Variants in NFATC2 observed in about 807,000 individuals in gnomAD.
NFATC2 encodes nuclear factor of activated T cells 2, also known as nuclear factor of activated T-cells, cytoplasmic 2.
A neutral mutation model predicts 87.3 loss-of-function variants in NFATC2; 22 were observed. That is an observed-to-expected ratio of 0.25 (90% CI 0.18 to 0.36). The LOEUF (loss-of-function observed/expected upper bound fraction) is 0.36, where lower values mean the gene tolerates loss of function less well. Ranked by LOEUF, NFATC2 falls within the 10% of genes least tolerant of loss-of-function variation. The probability of loss-of-function intolerance (pLI) is 1.00; values close to 1 mark genes in which losing one functional copy is unlikely to be tolerated. For missense variants in NFATC2, 1,149 were observed against 1,259.1 expected (o/e 0.91, Z 1.32); for synonymous variants, 565 against 542.2 (o/e 1.04, Z -0.58).
intron 5 of NFATC2, among the ~76,000 whole-genome samples, chr20:51,467,505 C>T (rs1987806472): frequency 6.6e-6 from 1 of 151,918 alleles, no homozygotes; most frequent in African/African-American, 2.4e-5. Context: ...TGCAGTGAGC[C>T]GAGATCATGC....
chr20:51,499,370 G>A (rs973036218), intron 3 of NFATC2, among the ~76,000 whole-genome samples: 4 of 152,234 alleles, frequency 2.6e-5, no homozygotes, highest in Non-Finnish European at 4.4e-5. Context: ...CAGATGCACA[G>A]AACTGTGAGG....
chr20:51,524,224 AC>A lies in NFATC2; in HGVS notation c.131-115del. The A allele has an allele frequency of 2.1e-6, 2 of 952,070 alleles. No individual in the cohort carries two copies. The highest frequency in any genetic ancestry group is 2.8e-6 in the Non-Finnish European group (2 of 709,316). The allele number at this position is 952,070 out of a possible 1,614,324, so 59.0% of individuals were successfully genotyped here. On this transcript the variant is annotated intron_variant, in intron 1 of 10. Transcript: ENST00000371564. The surrounding 1 kb of genome is among the most constrained non-coding windows in gnomAD (Gnocchi z 4.0). Reference sequence around the variant, plus strand: ...CGTCGTTTATTTTTTTCAAATTCCCACCATGCCAAACCCCAAGCTAGAAGCT... The same window carrying A: ...CGTCGTTTATTTTTTTCAAATTCCCACATGCCAAACCCCAAGCTAGAAGCT...
At chr20:51,497,706 A>G (rs920750223) in intron 3 of NFATC2, among the ~76,000 whole-genome samples, 2 of 152,094 alleles carry the variant, frequency 1.3e-5, no homozygotes, top group Non-Finnish European at 2.9e-5. Context: ...GGAGGGGCAG[A>G]TTGGCCAGGG....
In NFATC2 at chr20:51,417,948, G is replaced by A. The variant is rs1057040321; in HGVS notation, c.2722+14119C>T. On this transcript the variant is annotated intron_variant, in intron 9 of 10. Coordinates refer to ENST00000371564, the MANE Select transcript of NFATC2 (RefSeq NM_012340.5). ...AGCATCAGCCCTCCCTGGTACCCGC[G>A]GGGCACCGGGCAGTCCGTAAGTCAC... Among the ~76,000 whole-genome samples, 13 of 152,294 alleles carry A rather than the reference G, an allele frequency of 8.5e-5. No homozygotes were observed. The East Asian group carries it at 1.5e-3, about 18-fold the overall frequency.
chr20:51,531,723 C>T (rs184089874), intron 1 of NFATC2, among the ~76,000 whole-genome samples: 1 of 152,326 alleles, frequency 6.6e-6, no homozygotes, highest in East Asian at 1.9e-4. Context: ...CCAAGACACA[C>T]AGAATCAATA....
chr20:51,478,678 C>T (rs1036113729), intron 3 of NFATC2, among the ~76,000 whole-genome samples: 2 of 152,174 alleles, frequency 1.3e-5, no homozygotes, highest in Non-Finnish European at 2.9e-5. Context: ...GATCCAGATA[C>T]TCCCCTGCCT....
At chr20:51,516,227 G>T (rs2076348749) in intron 3 of NFATC2, among the ~76,000 whole-genome samples, 1 of 152,088 alleles carries the variant, frequency 6.6e-6, no homozygotes, top group South Asian at 2.1e-4. Flanking sequence ...ATGGCAAAAT[G>T]TAAACTTAAA....
At chr20:51,506,230 T>C (rs768788129) in intron 3 of NFATC2, among the ~76,000 whole-genome samples, 7 of 152,220 alleles carry the variant, frequency 4.6e-5, no homozygotes, top group Non-Finnish European at 8.8e-5. Context: ...GAGGTGCTCG[T>C]TGGGGAAGGT....
intron 1 of NFATC2, among the ~76,000 whole-genome samples, chr20:51,534,251 G>A (rs2076683360): frequency 6.9e-6 from 1 of 144,584 alleles, no homozygotes. Context: ...TGCAGCGGGG[G>A]CCAGGGGGAG....
At chr20:51,415,019 G>C (rs1250288665) in intron 9 of NFATC2, among the ~76,000 whole-genome samples, 2 of 151,940 alleles carry the variant, frequency 1.3e-5, no homozygotes, top group Non-Finnish European at 2.9e-5. Context: ...GGAGGCCAAA[G>C]TTGGTGGATT....
At position 51,540,663 on chromosome 20, in the gene NFATC2, T is replaced by TTTTTTTTTGTTTG. The variant is rs1555818361; in HGVS notation, c.130+1706_130+1707insCAAACAAAAAAAA. Among the ~76,000 whole-genome samples, 40 of 135,770 alleles carry TTTTTTTTTGTTTG rather than the reference T, an allele frequency of 2.9e-4. 2 individuals are homozygous for TTTTTTTTTGTTTG. The highest frequency in any genetic ancestry group is 7.6e-3 in the Middle Eastern group (2 of 264). 89.1% of individuals were successfully genotyped at this position (135,770 alleles called of 152,430 possible). A position where few individuals can be genotyped will look rare whatever the true frequency, so the allele number is the denominator to read the frequency against. ...AAAACTGAAGTTTTTTTTTTGTTTT[T>TTTTTTTTTGTTTG]TTTTTTTTGAGAAAACAGATTCCAG... On this transcript the variant is annotated intron_variant, in intron 1 of 10. Coordinates refer to ENST00000371564, the MANE Select transcript of NFATC2 (RefSeq NM_012340.5).
intron 5 of NFATC2, among the ~76,000 whole-genome samples, chr20:51,471,605 C>T (rs1445837610): frequency 6.6e-6 from 1 of 152,220 alleles, no homozygotes; most frequent in African/African-American, 2.4e-5. Flanking sequence ...ACTCTTCATT[C>T]ATTTCCAAAG....
intron 5 of NFATC2, among the ~76,000 whole-genome samples, chr20:51,463,958 A>G (rs1987408425): frequency 1.3e-5 from 2 of 151,084 alleles, no homozygotes; most frequent in Non-Finnish European, 2.9e-5. Flanking sequence ...TCAGCAAAGA[A>G]GCCACCCCAA....
intron 6 of NFATC2, among the ~76,000 whole-genome samples, chr20:51,448,153 T>C (rs1468628627): frequency 2.6e-5 from 4 of 152,020 alleles, no homozygotes; most frequent in Non-Finnish European, 5.9e-5. Flanking sequence ...AGGTGATAAA[T>C]GAACAGACAG....
rs371887310 is a variant in NFATC2, at chr20:51,526,268, G to T, written c.131-2158C>A. 4.6e-5 allele frequency among the ~76,000 whole-genome samples: 7 copies of T among 152,222 alleles called. No homozygotes were observed. The South Asian group carries it at 1.5e-3, about 32-fold the overall frequency. On this transcript the variant is annotated intron_variant, in intron 1 of 10. Transcript: ENST00000371564. ...CCCATGGGCCAAATGCGGCCCATGG[G>T]TTGTGTTTGTAAATAGTTTTATGAC...
intron 6 of NFATC2, among the ~76,000 whole-genome samples, chr20:51,447,249 A>G (rs1985186450): frequency 6.6e-6 from 1 of 152,180 alleles, no homozygotes; most frequent in Admixed American, 6.5e-5. Context: ...TAAAAAATCA[A>G]TTTGTCCTCT....
At chr20:51,508,223 G>A (rs1165889973) in intron 3 of NFATC2, among the ~76,000 whole-genome samples, 1 of 152,090 alleles carries the variant, frequency 6.6e-6, no homozygotes, top group East Asian at 1.9e-4. Context: ...CGTGTCTTCA[G>A]TTAGAAGATG....
chr20:51,457,726 C>T (rs1356358705), intron 5 of NFATC2, among the ~76,000 whole-genome samples: 1 of 151,830 alleles, frequency 6.6e-6, no homozygotes, highest in Non-Finnish European at 1.5e-5. Context: ...ATGCAGTACA[C>T]CTCAGGCCCC....
At chr20:51,454,298 G>A (rs555874189) in intron 6 of NFATC2, among the ~76,000 whole-genome samples, 24 of 152,234 alleles carry the variant, frequency 1.6e-4, no homozygotes, top group Non-Finnish European at 2.6e-4. Flanking sequence ...TTTAAAAAAA[G>A]GATTGAGGGT....
Sources: allele counts gnomAD v4.1 joint callset (sites outside exome capture counted in the v4.1 genomes callset), GRCh38; gene constraint gnomAD v4.1.1; non-coding constraint Gnocchi (gnomAD v3.1); transcripts MANE v1.5; gene names NCBI Gene and HGNC (gene_info 2026-07-23, HGNC 2026-07-21).